GCNT1: variants seen among roughly 807,000 people sequenced by gnomAD.
GCNT1 encodes the protein beta-1,3-galactosyl-O-glycosyl-glycoprotein beta-1,6-N-acetylglucosaminyltransferase.
In GCNT1, 16 loss-of-function variants were observed where a neutral mutation model predicts 26.2. That is an observed-to-expected ratio of 0.61 (90% CI 0.41 to 0.93). The LOEUF (loss-of-function observed/expected upper bound fraction) is 0.93, where lower values mean the gene tolerates loss of function less well. Ranked by LOEUF, GCNT1 falls within the 40% of genes least tolerant of loss-of-function variation. The pLI, the probability that GCNT1 is intolerant of heterozygous loss-of-function variation, is 0.00. For synonymous variants in GCNT1, 183 were observed against 190.8 expected (o/e 0.96, Z 0.34); for missense variants, 477 against 526.7 (o/e 0.91, Z 0.92).
chr9:76,489,039 A>G (rs758623221), intron 2 of GCNT1, among the ~76,000 whole-genome samples: 19 of 152,122 alleles, frequency 1.2e-4, no homozygotes, highest in Non-Finnish European at 2.4e-4. Flanking sequence ...TTCTTCACTC[A>G]CATGTCAGAC....
intron 2 of GCNT1, among the ~76,000 whole-genome samples, chr9:76,465,174 T>A (rs574516066): frequency 1.3e-5 from 2 of 152,058 alleles, no homozygotes; most frequent in East Asian, 3.9e-4. Flanking sequence ...TTTTTATTTT[T>A]TTTTAGACGG....
intron 2 of GCNT1, among the ~76,000 whole-genome samples, chr9:76,473,364 C>A (rs1051380700): frequency 2.0e-5 from 3 of 152,018 alleles, no homozygotes; most frequent in African/African-American, 7.3e-5. Context: ...ATAATAGATT[C>A]TCAGTATAGA....
At chr9:76,469,584 C>T (rs935597149) in intron 2 of GCNT1, among the ~76,000 whole-genome samples, 10 of 152,158 alleles carry the variant, frequency 6.6e-5, no homozygotes, top group African/African-American at 2.4e-4. Flanking sequence ...TTTGTTACGG[C>T]TTGAGCTGAG....
chr9:76,486,645 T>C (rs1190477770), intron 2 of GCNT1, among the ~76,000 whole-genome samples: 1 of 152,212 alleles, frequency 6.6e-6, no homozygotes, highest in East Asian at 1.9e-4. Context: ...ATATTCTTTG[T>C]GTTTGAGGGA....
chr9:76,502,370 T>C lies in GCNT1; in HGVS notation c.-12T>C. On this transcript the variant is annotated 5_prime_UTR_variant, in exon 4 of 4. Transcript: ENST00000376730. ...TGCCCTTCACAAAGGAAATCCCTGA[T>C]TATTGTTTGAAATGCTGAGGACGTT... 6.3e-7 allele frequency: 1 copy of C among 1,589,952 alleles called. No homozygotes were observed. Among genetic ancestry groups the C allele is most frequent in the Non-Finnish European group, 8.6e-7 (1 of 1,160,464 alleles).
chr9:76,491,127 C>G (rs1824724301), intron 2 of GCNT1, among the ~76,000 whole-genome samples: 1 of 152,130 alleles, frequency 6.6e-6, no homozygotes, highest in African/African-American at 2.4e-5. Context: ...TTCTTTGTCT[C>G]TCTCTTTTTG....
At chr9:76,478,388 T>C (rs1824313232) in intron 2 of GCNT1, among the ~76,000 whole-genome samples, 1 of 152,122 alleles carries the variant, frequency 6.6e-6, no homozygotes, top group Non-Finnish European at 1.5e-5. Context: ...GGTCTGCGGC[T>C]TCATTCCTGA....
At chr9:76,432,542 G>GCCC (rs1370906150) in intron 1 of GCNT1, among the ~76,000 whole-genome samples, 5 of 152,104 alleles carry the variant, frequency 3.3e-5, no homozygotes, top group African/African-American at 1.2e-4. Flanking sequence ...GTTTCGCCAT[G>GCCC]TTGCCCAGGC....
At chr9:76,480,136 G>C (rs1375955153) in intron 2 of GCNT1, among the ~76,000 whole-genome samples, 3 of 152,056 alleles carry the variant, frequency 2.0e-5, no homozygotes, top group South Asian at 4.2e-4. Context: ...TCTTGTTTTT[G>C]TCAGGTTTGT....
chr9:76,409,101 A>T, the GCNT1 span, among the ~76,000 whole-genome samples: 2 of 152,058 alleles, frequency 1.3e-5, no homozygotes, highest in African/African-American at 4.8e-5. Flanking sequence ...TTTGTTTTCG[A>T]AGGTTATAAT....
intron 2 of GCNT1, among the ~76,000 whole-genome samples, chr9:76,477,611 G>A (rs116097273): frequency 0.025 from 3,803 of 152,010 alleles, 158 homozygotes; most frequent in African/African-American, 0.086. Flanking sequence ...GTCGTAGTAA[G>A]ACAGCTGCAT....
At chr9:76,493,807 A>T (rs578014271) in intron 2 of GCNT1, among the ~76,000 whole-genome samples, 88 of 152,130 alleles carry the variant, frequency 5.8e-4, no homozygotes, top group South Asian at 1.0e-3. Context: ...AAGGTATTTC[A>T]CTCCACTTGC....
At chr9:76,419,353 G>A (rs10118954), upstream of GCNT1, among the ~76,000 whole-genome samples, 53,468 of 151,780 alleles carry the variant, frequency 0.35, 9,891 homozygotes, top group Middle Eastern at 0.4. Flanking sequence ...ATATTGGTTG[G>A]TAAAATAAAT....
At chr9:76,449,037 GC>G (rs1823621650) in intron 1 of GCNT1, among the ~76,000 whole-genome samples, 2 of 152,224 alleles carry the variant, frequency 1.3e-5, no homozygotes, top group South Asian at 4.2e-4. Flanking sequence ...ATCAGAATAT[GC>G]CACCCCAGGC....
At chr9:76,428,049 G>A (rs1445657048) in intron 1 of GCNT1, among the ~76,000 whole-genome samples, 2 of 151,812 alleles carry the variant, frequency 1.3e-5, no homozygotes, top group East Asian at 1.9e-4. Flanking sequence ...GGCAAATCAC[G>A]AGGTCAGGAG....
intron 1 of GCNT1, among the ~76,000 whole-genome samples, chr9:76,453,334 C>A (rs11144908): frequency 0.19 from 29,422 of 151,826 alleles, 3,355 homozygotes; most frequent in Non-Finnish European, 0.27. Context: ...TTCAAGGCAA[C>A]AAAAGAGAAG....
intron 2 of GCNT1, among the ~76,000 whole-genome samples, chr9:76,464,063 A>G (rs568105618): frequency 4.7e-5 from 7 of 150,328 alleles, no homozygotes; most frequent in African/African-American, 1.7e-4. Flanking sequence ...TGTAAAAATA[A>G]TAATAAAAAA....
chr9:76,465,749 T>C (rs1473612820), intron 2 of GCNT1, among the ~76,000 whole-genome samples: 1 of 152,042 alleles, frequency 6.6e-6, no homozygotes, highest in Non-Finnish European at 1.5e-5. Context: ...CAGGTGAGGA[T>C]TGAGATTGAG....
chr9:76,406,102 G>T, the GCNT1 span, among the ~76,000 whole-genome samples: 1 of 152,152 alleles, frequency 6.6e-6, no homozygotes, highest in East Asian at 1.9e-4. Flanking sequence ...GCCTAGAGTG[G>T]TAATTTGCAT....
Sources: allele counts gnomAD v4.1 joint callset (sites outside exome capture counted in the v4.1 genomes callset), GRCh38; gene constraint gnomAD v4.1.1; transcripts MANE v1.5; gene names NCBI Gene and HGNC (gene_info 2026-07-23, HGNC 2026-07-21).